NPSR1: variants seen among roughly 807,000 people sequenced by gnomAD.
NPSR1 encodes neuropeptide S receptor 1.
A neutral mutation model predicts 46.9 loss-of-function variants in NPSR1; 48 were observed. That is an observed-to-expected ratio of 1.02 (90% CI 0.81 to 1.30). NPSR1 has a LOEUF of 1.30. Among genes scored for constraint, NPSR1 ranks in the 50% most tolerant of loss-of-function variants. The pLI is 0.00. For synonymous variants in NPSR1, 176 were observed against 168.1 expected (o/e 1.05, Z -0.36); for missense variants, 450 against 449.5 (o/e 1.00, Z -0.01).
intron 8 of NPSR1, among the ~76,000 whole-genome samples, chr7:34,856,911 G>A (rs1010613401): frequency 2.0e-5 from 3 of 150,028 alleles, no homozygotes; most frequent in Non-Finnish European, 4.4e-5. Flanking sequence ...TTATGTAGAT[G>A]GGGGGGGAAA....
chr7:34,789,944 A>T (rs1041336431), intron 3 of NPSR1, among the ~76,000 whole-genome samples: 1 of 151,950 alleles, frequency 6.6e-6, no homozygotes, highest in Non-Finnish European at 1.5e-5. Flanking sequence ...TCTACCAAAC[A>T]CTTAGAGAAG....
At chr7:34,739,956 C>G (rs911787051) in intron 2 of NPSR1, among the ~76,000 whole-genome samples, 2 of 152,082 alleles carry the variant, frequency 1.3e-5, no homozygotes, top group African/African-American at 2.4e-5. Context: ...GTGGGCAGGG[C>G]CCTAGAACAC....
intron 3 of NPSR1, among the ~76,000 whole-genome samples, chr7:34,784,608 C>G (rs1377209340): frequency 8.5e-5 from 13 of 152,140 alleles, no homozygotes; most frequent in South Asian, 2.1e-4. Context: ...GAGGATTTTT[C>G]CATCAATGTT....
At chr7:34,820,663 CTTCA>C (rs1424582006) in intron 4 of NPSR1, among the ~76,000 whole-genome samples, 1 of 152,100 alleles carries the variant, frequency 6.6e-6, no homozygotes, top group Non-Finnish European at 1.5e-5. Context: ...CGACATGAAC[CTTCA>C]ATCAAACACA....
chr7:34,795,704 T>C (rs1236782501), intron 3 of NPSR1, among the ~76,000 whole-genome samples: 1 of 152,136 alleles, frequency 6.6e-6, no homozygotes, highest in African/African-American at 2.4e-5. Context: ...TAATAAAATA[T>C]GTGCAAGATC....
chr7:34,810,118 GA>G (rs1788909929), intron 3 of NPSR1, among the ~76,000 whole-genome samples: 1 of 152,114 alleles, frequency 6.6e-6, no homozygotes, highest in Non-Finnish European at 1.5e-5. Context: ...CTGAGCCAGA[GA>G]AAGAACAAAA....
intron 2 of NPSR1, among the ~76,000 whole-genome samples, chr7:34,777,243 T>C (rs989445310): frequency 1.3e-5 from 2 of 152,130 alleles, no homozygotes; most frequent in Admixed American, 6.6e-5. Context: ...TTGTGGGAAC[T>C]CAAGTTCTGA....
intron 3 of NPSR1, among the ~76,000 whole-genome samples, chr7:34,783,583 A>G (rs939051687): frequency 6.6e-6 from 1 of 152,184 alleles, no homozygotes; most frequent in African/African-American, 2.4e-5. Flanking sequence ...CAAAAAAAAT[A>G]TAGATTATTT....
chr7:34,821,271 A>G (rs1259021068), intron 4 of NPSR1, among the ~76,000 whole-genome samples: 2 of 151,472 alleles, frequency 1.3e-5, no homozygotes, highest in Non-Finnish European at 2.9e-5. Flanking sequence ...AGTAGCTGGG[A>G]TTACAGGTGT....
At position 34,773,947 on chromosome 7, in the gene NPSR1, C is replaced by T. The variant is rs187519140; in HGVS notation, c.281-4515C>T. 5.0e-3 allele frequency among the ~76,000 whole-genome samples: 762 copies of T among 152,320 alleles called. 7 individuals carry two copies. Among genetic ancestry groups the T allele is most frequent in the Non-Finnish European group, 4.1e-3 (276 of 68,030 alleles). ...GTGCCCACTCCCATAGTCCCAACCA[C>T]ATGTCTCTGTCTCAGACTCTTGTTT... is the stretch of plus-strand genomic sequence containing the variant. On this transcript the variant is annotated intron_variant, in intron 2 of 8. Transcript: ENST00000360581.
In NPSR1 at chr7:34,779,911, G is replaced by A. The variant is rs117102005; in HGVS notation, c.384+1346G>A. 952 of 156,936 alleles carry A rather than the reference G, an allele frequency of 6.1e-3. 16 individuals are homozygous for A. The highest frequency in any genetic ancestry group is 4.4e-3 in the Non-Finnish European group (314 of 71,068). The allele number at this position is 156,936 out of a possible 1,614,324, so 9.7% of individuals were successfully genotyped here. A position where few individuals can be genotyped will look rare whatever the true frequency, so the allele number is the denominator to read the frequency against. On this transcript the variant is annotated intron_variant, in intron 3 of 8. Transcript: ENST00000360581. ...TGGATAAAGGCTTATCAAAAGGTTC[G>A]GTCAGATGCTTTGTGGTACTGTAGT... is the stretch of plus-strand genomic sequence containing the variant.
At chr7:34,707,087 A>G (rs750495400) in intron 2 of NPSR1, among the ~76,000 whole-genome samples, 8 of 152,218 alleles carry the variant, frequency 5.3e-5, no homozygotes, top group Admixed American at 1.3e-4. Flanking sequence ...CTTTCTTAGA[A>G]AAATTGGGTT....
rs952265219 is a variant in NPSR1, at chr7:34,660,028, C to T, written c.147+1469C>T. 4.7e-5 allele frequency: 21 copies of T among 442,296 alleles called. 1 individual carries two copies. Among genetic ancestry groups the T allele is most frequent in the South Asian group, 3.2e-4 (20 of 62,586 alleles). 27.4% of individuals were successfully genotyped at this position (442,296 alleles called of 1,614,324 possible). A position where few individuals can be genotyped will look rare whatever the true frequency, so the allele number is the denominator to read the frequency against. On this transcript the variant is annotated intron_variant, in intron 1 of 8. Transcript: ENST00000360581. The stretch of plus-strand genomic sequence containing the variant: ...CAATCTCAGCTGAAATCTCATTTGC[C>T]ATTTTTTGAATATAGCACCTACAGG...
intron 2 of NPSR1, among the ~76,000 whole-genome samples, chr7:34,742,545 C>T (rs1784996455): frequency 6.6e-6 from 1 of 152,218 alleles, no homozygotes; most frequent in African/African-American, 2.4e-5. Flanking sequence ...ATATGTACTA[C>T]ATTTGCTTCA....
chr7:34,779,583 T>A (rs1259521047), intron 3 of NPSR1: 2 of 1,282,004 alleles, frequency 1.6e-6, no homozygotes, highest in Non-Finnish European at 1.0e-6. Context: ...AAAATGAATA[T>A]GGAATAGTTA....
rs145102393 is a variant in NPSR1, at chr7:34,736,303, G to A, written c.281-42159G>A. Among the ~76,000 whole-genome samples, 52 of 152,184 alleles carry A rather than the reference G, an allele frequency of 3.4e-4. No individual in the cohort carries two copies. In the East Asian group the frequency reaches 9.9e-3, roughly 29 times the overall value. ...AAGGTATCTATTTATGTGTTTGTCT[G>A]ACACACAATACTGTGAATTCCTTTA... On this transcript the variant is annotated intron_variant, in intron 2 of 8. Transcript: ENST00000360581.
intron 2 of NPSR1, among the ~76,000 whole-genome samples, chr7:34,744,323 A>C (rs1785100347): frequency 6.6e-6 from 1 of 151,902 alleles, no homozygotes; most frequent in Non-Finnish European, 1.5e-5. Flanking sequence ...ATACCATTTT[A>C]TTGTTGTTTT....
At chr7:34,781,451 G>T (rs977655561) in intron 3 of NPSR1, among the ~76,000 whole-genome samples, 1 of 152,262 alleles carries the variant, frequency 6.6e-6, no homozygotes, top group East Asian at 1.9e-4. Flanking sequence ...AAGAATTGCT[G>T]GTGTGATTGG....
At chr7:34,778,326 C>A in intron 2 of NPSR1, 136 bp from the exon 3 acceptor site, 2 of 530,634 alleles carry the variant, frequency 3.8e-6, no homozygotes, top group Non-Finnish European at 3.3e-6. Context: ...CCTCAGTGGC[C>A]ATCTGATAAA....
Sources: allele counts gnomAD v4.1 joint callset (sites outside exome capture counted in the v4.1 genomes callset), GRCh38; gene constraint gnomAD v4.1.1; transcripts MANE v1.5; gene names NCBI Gene and HGNC (gene_info 2026-07-23, HGNC 2026-07-21).